The following BMP5 variants were observed in gnomAD, a reference collection of about 807,000 sequenced individuals.
BMP5 encodes the protein bone morphogenetic protein 5.
A neutral mutation model predicts 46.6 loss-of-function variants in BMP5; 23 were observed. That is an observed-to-expected ratio of 0.49 (90% confidence interval 0.35 to 0.70). The LOEUF is 0.70. Ranked by LOEUF, BMP5 falls within the 30% of genes least tolerant of loss-of-function variation. BMP5 has a pLI of 0.00. For synonymous variants in BMP5, 204 were observed against 191.9 expected (o/e 1.06, Z -0.52); for missense variants, 545 against 565.6 (o/e 0.96, Z 0.37).
intron 3 of BMP5, among the ~76,000 whole-genome samples, chr6:55,786,924 A>G (rs1775464203): frequency 6.6e-6 from 1 of 151,728 alleles, no homozygotes; most frequent in Non-Finnish European, 1.5e-5. Context: ...AGATAAGAGA[A>G]GGAAATATTA....
intron 1 of BMP5, among the ~76,000 whole-genome samples, chr6:55,856,831 ATTAT>A (rs1183797308): frequency 5.9e-5 from 9 of 152,072 alleles, no homozygotes; most frequent in African/African-American, 9.7e-5. Context: ...TATTAATTGT[ATTAT>A]TTAAGTACAA....
At position 55,874,458 on chromosome 6, in the gene BMP5, G is replaced by A. The variant is rs758727135; in HGVS notation, c.408C>T (p.Thr136=). ...RIQLSRTTPL[T]TQSPPLASLH... is the part of the protein sequence containing the mutation. Reference sequence around the variant, plus strand: ...GGCTGGCTAGAGGAGGACTCTGGGTGGTCAGAGGAGTCGTCCGAGATAACT... The same window carrying A: ...GGCTGGCTAGAGGAGGACTCTGGGTAGTCAGAGGAGTCGTCCGAGATAACT... The change falls in exon 1 of 7, where the codon ACC becomes ACT. Residue 136 remains threonine, a synonymous_variant. Coordinates refer to ENST00000370830, the MANE Select transcript of BMP5 (RefSeq NM_021073.4). The A allele has an allele frequency of 9.9e-6, 16 of 1,613,210 alleles. No individual in the cohort carries two copies. In the Admixed American group the frequency reaches 2.3e-4, roughly 24 times the overall value.
At chr6:55,815,375 T>A (rs79574492) in intron 2 of BMP5, among the ~76,000 whole-genome samples, 2,921 of 152,262 alleles carry the variant, frequency 0.019, 91 homozygotes, top group African/African-American at 0.066. Flanking sequence ...ATTGAATTTT[T>A]AAAAATACTA....
intron 2 of BMP5, among the ~76,000 whole-genome samples, chr6:55,803,031 A>G (rs1343616320): frequency 1.3e-5 from 2 of 151,896 alleles, no homozygotes; most frequent in Non-Finnish European, 2.9e-5. Context: ...TCATGCCTGT[A>G]ATCCCAGCAC....
At chr6:55,872,139 T>C (rs1777802465) in intron 1 of BMP5, among the ~76,000 whole-genome samples, 1 of 151,812 alleles carries the variant, frequency 6.6e-6, no homozygotes, top group Admixed American at 6.6e-5. Context: ...TACTAAGCAG[T>C]GATCAACTAT....
At chr6:55,860,475 C>T (rs1777504303) in intron 1 of BMP5, among the ~76,000 whole-genome samples, 2 of 152,258 alleles carry the variant, frequency 1.3e-5, no homozygotes, top group South Asian at 4.2e-4. Flanking sequence ...GTTCATCTGA[C>T]TTCCTAAGCA....
intron 1 of BMP5, among the ~76,000 whole-genome samples, chr6:55,830,554 T>G (rs535369179): frequency 6.6e-6 from 1 of 152,208 alleles, no homozygotes. Flanking sequence ...CTTTTGAGAT[T>G]TATGTTAGAC....
intron 1 of BMP5, among the ~76,000 whole-genome samples, chr6:55,841,089 T>C (rs968837818): frequency 1.3e-5 from 2 of 152,170 alleles, no homozygotes; most frequent in South Asian, 2.1e-4. Flanking sequence ...GGATCTTCAT[T>C]GCATGTTCCT....
chr6:55,841,798 A>G (rs1439075394), intron 1 of BMP5, among the ~76,000 whole-genome samples: 1 of 152,054 alleles, frequency 6.6e-6, no homozygotes, highest in Non-Finnish European at 1.5e-5. Context: ...TGTTAACTTA[A>G]TCTCATTTTA....
chr6:55,795,492 T>G (rs927520641), intron 2 of BMP5, among the ~76,000 whole-genome samples: 2 of 152,136 alleles, frequency 1.3e-5, no homozygotes, highest in African/African-American at 2.4e-5. Context: ...AATACTATTT[T>G]ACTGCATTTT....
At chr6:55,795,310 T>C (rs904463237) in intron 2 of BMP5, among the ~76,000 whole-genome samples, 3 of 152,104 alleles carry the variant, frequency 2.0e-5, no homozygotes, top group Non-Finnish European at 2.9e-5. Context: ...ATAGGTTAAC[T>C]GTAAAACACT....
intron 1 of BMP5, among the ~76,000 whole-genome samples, chr6:55,856,401 G>A (rs1777398238): frequency 6.6e-6 from 1 of 152,100 alleles, no homozygotes; most frequent in Admixed American, 6.6e-5. Context: ...CTGGAACTGA[G>A]ATTTGTGTCA....
At chr6:55,773,954 G>A (rs1017787083) in intron 4 of BMP5, 95 bp downstream of exon 4, 150 of 1,311,660 alleles carry the variant, frequency 1.1e-4, no homozygotes, top group Middle Eastern at 5.2e-4. Flanking sequence ...CCATCCGAAG[G>A]TATACATAGA....
At chr6:55,832,626 C>A (rs1257104587) in intron 1 of BMP5, among the ~76,000 whole-genome samples, 1 of 152,078 alleles carries the variant, frequency 6.6e-6, no homozygotes. Context: ...ATTAACTTAT[C>A]CAAGTTCATA....
intron 1 of BMP5, among the ~76,000 whole-genome samples, chr6:55,820,358 T>C (rs1206637626): frequency 1.3e-5 from 2 of 152,200 alleles, no homozygotes; most frequent in Non-Finnish European, 2.9e-5. Context: ...AGATTGTTTC[T>C]AAAATGTCTT....
intron 1 of BMP5, among the ~76,000 whole-genome samples, chr6:55,846,597 T>A (rs1777103073): frequency 6.6e-6 from 1 of 151,920 alleles, no homozygotes; most frequent in South Asian, 2.1e-4. Context: ...CAAATTAGTA[T>A]CCTCTTTCAT....
At chr6:55,771,660 G>A (rs1775049678) in intron 4 of BMP5, among the ~76,000 whole-genome samples, 1 of 151,834 alleles carries the variant, frequency 6.6e-6, no homozygotes, top group African/African-American at 2.4e-5. Context: ...GAAAAGAAAT[G>A]TGATAAAGAT....
At chr6:55,785,756 A>AG (rs1350224952) in intron 3 of BMP5, among the ~76,000 whole-genome samples, 3 of 151,118 alleles carry the variant, frequency 2.0e-5, no homozygotes, top group African/African-American at 7.3e-5. Flanking sequence ...GCAAAAAAAA[A>AG]AAAATTTTTT....
At chr6:55,815,556 CAT>C (rs561533058) in intron 2 of BMP5, among the ~76,000 whole-genome samples, 10 of 152,170 alleles carry the variant, frequency 6.6e-5, no homozygotes, top group Admixed American at 3.9e-4. Flanking sequence ...GATTTAAACA[CAT>C]GTTAAAATAA....
Sources: allele counts gnomAD v4.1 joint callset (sites outside exome capture counted in the v4.1 genomes callset), GRCh38; gene constraint gnomAD v4.1.1; transcripts MANE v1.5; gene names NCBI Gene and HGNC (gene_info 2026-07-23, HGNC 2026-07-21).